Variants in NTN1 observed in about 807,000 individuals in gnomAD.
NTN1 encodes the protein netrin-1.
A neutral mutation model predicts 54.2 loss-of-function variants in NTN1; 11 were observed. That is an observed-to-expected ratio of 0.20 (90% CI 0.13 to 0.34). The LOEUF is 0.34. Ranked by LOEUF, NTN1 falls within the 10% of genes least tolerant of loss-of-function variation. The pLI is 1.00. For missense variants in NTN1, 740 were observed against 893.1 expected (o/e 0.83, Z 2.18); for synonymous variants, 371 against 382.0 (o/e 0.97, Z 0.33).
intron 2 of NTN1, among the ~76,000 whole-genome samples, chr17:9,054,556 A>G (rs894007735): frequency 3.3e-5 from 5 of 152,244 alleles, no homozygotes; most frequent in Admixed American, 6.5e-5. Flanking sequence ...TCCCCCATAC[A>G]GTATCCATCA....
chr17:9,146,038 G>A (rs1407849187), intron 2 of NTN1, among the ~76,000 whole-genome samples: 1 of 152,148 alleles, frequency 6.6e-6, no homozygotes, highest in Non-Finnish European at 1.5e-5. Flanking sequence ...GAAGTCACAA[G>A]TTGGGCAGCT....
chr17:9,033,609 C>T (rs2091894164), intron 2 of NTN1, among the ~76,000 whole-genome samples: 1 of 61,114 alleles, frequency 1.6e-5, no homozygotes, highest in African/African-American at 6.5e-5. Context: ...GCCGTCTCTA[C>T]AAAAATAAAA....
At chr17:9,162,785 T>C in intron 2 of NTN1, 28 bp from the exon 3 acceptor site, 3 of 1,586,988 alleles carry the variant, frequency 1.9e-6, no homozygotes, top group Non-Finnish European at 2.6e-6. Flanking sequence ...CCCCTGCGGC[T>C]GACACCTCTC....
At chr17:9,153,018 A>C (rs1597507756) in intron 2 of NTN1, among the ~76,000 whole-genome samples, 1 of 152,180 alleles carries the variant, frequency 6.6e-6, no homozygotes, top group South Asian at 2.1e-4. Context: ...CCTGTAATCC[A>C]AGCACTTTGG....
Position 9,242,922 on chromosome 17 carries a change from A to ATG in NTN1, c.*2956_*2957dup, listed in dbSNP as rs1444239278. The ATG allele has an allele frequency of 1.3e-5, 2 of 152,228 alleles. No homozygotes were observed. The highest frequency in any genetic ancestry group is 4.8e-5 in the African/African-American group (2 of 41,474). 9.4% of individuals were successfully genotyped at this position (152,228 alleles called of 1,614,324 possible). On this transcript the variant is annotated 3_prime_UTR_variant, in exon 7 of 7. Coordinates refer to ENST00000173229, the MANE Select transcript of NTN1 (RefSeq NM_004822.3). The stretch of plus-strand genomic sequence containing the variant: ...TCCCGGTTTGTACAGTTAGGAAGGG[A>ATG]TGTAAAACGGAACTAGATTTTGATT...
At position 9,088,266 on chromosome 17, in the gene NTN1, C is replaced by A. The variant is rs573883654; in HGVS notation, c.1018+64875C>A. Among the ~76,000 whole-genome samples, 226 of 152,330 alleles carry A rather than the reference C, an allele frequency of 1.5e-3. 3 individuals are homozygous for A. The highest frequency in any genetic ancestry group is 5.3e-3 in the African/African-American group (220 of 41,570). The stretch of plus-strand genomic sequence containing the variant: ...CAAGTTGGCTTCAAGGGTCTTTTGG[C>A]CACCTCTTCCATGACTTGGAATTTC... On this transcript the variant is annotated intron_variant, in intron 2 of 6. Transcript: ENST00000173229.
At chr17:9,094,075 C>T (rs2092122367) in intron 2 of NTN1, among the ~76,000 whole-genome samples, 1 of 152,166 alleles carries the variant, frequency 6.6e-6, no homozygotes, top group Admixed American at 6.6e-5. Context: ...GTTATATACA[C>T]TTCTGTTTTA....
chr17:9,016,613 C>A (rs886510724), upstream of NTN1, among the ~76,000 whole-genome samples: 1 of 152,212 alleles, frequency 6.6e-6, no homozygotes, highest in African/African-American at 2.4e-5. Context: ...GAAGTAGCTA[C>A]ATGTGGTGAC....
intron 6 of NTN1, among the ~76,000 whole-genome samples, chr17:9,227,761 TATC>T (rs1346537374): frequency 1.3e-5 from 2 of 150,756 alleles, no homozygotes; most frequent in East Asian, 2.0e-4. Flanking sequence ...CTCACACATT[TATC>T]ATACAGGCAC....
intron 2 of NTN1, among the ~76,000 whole-genome samples, chr17:9,043,898 A>T (rs1359436867): frequency 6.6e-6 from 1 of 151,270 alleles, no homozygotes; most frequent in Non-Finnish European, 1.5e-5. Flanking sequence ...TAATTCTCTT[A>T]ATTTTTTTAT....
intron 5 of NTN1, among the ~76,000 whole-genome samples, chr17:9,217,921 A>G (rs1905249953): frequency 6.6e-6 from 1 of 151,178 alleles, no homozygotes; most frequent in Non-Finnish European, 1.5e-5. Flanking sequence ...CATTTTCTGT[A>G]AGGGCAAGCA....
At chr17:9,215,802 C>T (rs1478511685) in intron 5 of NTN1, among the ~76,000 whole-genome samples, 1 of 151,938 alleles carries the variant, frequency 6.6e-6, no homozygotes, top group Non-Finnish European at 1.5e-5. Context: ...GATGTTGGTC[C>T]CCTTTTGTTG....
intron 6 of NTN1, among the ~76,000 whole-genome samples, chr17:9,225,656 G>T (rs577713890): frequency 3.9e-5 from 6 of 152,268 alleles, no homozygotes; most frequent in African/African-American, 1.4e-4. Context: ...GTGACCAGTA[G>T]GGGGAGGGCA....
At chr17:9,208,221 C>A (rs376326723) in intron 5 of NTN1, among the ~76,000 whole-genome samples, 1 of 152,202 alleles carries the variant, frequency 6.6e-6, no homozygotes, top group Non-Finnish European at 1.5e-5. Context: ...CACAGATCGA[C>A]ACTCCATCTC....
At chr17:9,222,671 C>G (rs1905399872) in intron 6 of NTN1, among the ~76,000 whole-genome samples, 1 of 152,160 alleles carries the variant, frequency 6.6e-6, no homozygotes, top group Admixed American at 6.5e-5. Flanking sequence ...TATCCAGAAT[C>G]TGAGCTCCGT....
intron 3 of NTN1, chr17:9,175,241 G>A (rs550663266): frequency 2.9e-4 from 44 of 152,350 alleles, no homozygotes; most frequent in African/African-American, 1.1e-3. Context: ...AGAAACTGAC[G>A]ATGAGAACCA....
At chr17:9,039,872 A>T (rs923710079) in intron 2 of NTN1, among the ~76,000 whole-genome samples, 4 of 152,076 alleles carry the variant, frequency 2.6e-5, no homozygotes, top group African/African-American at 9.7e-5. Flanking sequence ...CTATACCACA[A>T]TTTTTCCATT....
chr17:9,007,461 CTTCT>C, the NTN1 span, among the ~76,000 whole-genome samples: 33 of 142,546 alleles, frequency 2.3e-4, no homozygotes, highest in African/African-American at 8.4e-4. Context: ...CCCTTCCTTC[CTTCT>C]CTTTCTTTCA....
chr17:9,166,218 T>C (rs2092373029), intron 3 of NTN1, among the ~76,000 whole-genome samples: 2 of 128,940 alleles, frequency 1.6e-5, no homozygotes, highest in African/African-American at 5.8e-5. Flanking sequence ...CAGCACCTCC[T>C]GCCTTGTATT....
Sources: allele counts gnomAD v4.1 joint callset (sites outside exome capture counted in the v4.1 genomes callset), GRCh38; gene constraint gnomAD v4.1.1; transcripts MANE v1.5; gene names NCBI Gene and HGNC (gene_info 2026-07-23, HGNC 2026-07-21).